The following DOCK9 variants were observed in gnomAD, a reference collection of about 807,000 sequenced individuals.
DOCK9 encodes dedicator of cytokinesis protein 9.
Under a neutral mutation model 263.3 loss-of-function variants are expected in DOCK9, and 89 were observed. That is an observed-to-expected ratio of 0.34 (90% CI 0.28 to 0.40). The LOEUF (loss-of-function observed/expected upper bound fraction) is 0.40. DOCK9 is among the 10% of genes least tolerant of loss of function. The probability of loss-of-function intolerance (pLI) is 1.00; values close to 1 mark genes in which losing one functional copy is unlikely to be tolerated. For missense variants in DOCK9, 2,140 were observed against 2,603.4 expected, an observed-to-expected ratio of 0.82 and a Z score of 3.87; for synonymous variants, 976 against 973.1, an observed-to-expected ratio of 1.00 and a Z score of -0.06.
intron 9 of DOCK9, among the ~76,000 whole-genome samples, chr13:98,907,237 GCCA>G (rs1185333943): frequency 1.3e-5 from 2 of 152,178 alleles, no homozygotes; most frequent in African/African-American, 4.8e-5. Flanking sequence ...GGTGCTGCAA[GCCA>G]CCACCAACAG....
At chr13:99,081,586 T>A (rs1489947609) in intron 1 of DOCK9, among the ~76,000 whole-genome samples, 1 of 152,236 alleles carries the variant, frequency 6.6e-6, no homozygotes, top group Admixed American at 6.5e-5. Flanking sequence ...TGCAAAGGGA[T>A]GTGACCTGAT....
At chr13:99,075,895 T>C (rs575877671) in intron 1 of DOCK9, among the ~76,000 whole-genome samples, 2 of 152,252 alleles carry the variant, frequency 1.3e-5, no homozygotes, top group South Asian at 2.1e-4. Flanking sequence ...TCAGATTCAC[T>C]TTCAGATTAA....
intron 13 of DOCK9, among the ~76,000 whole-genome samples, chr13:98,901,232 A>G (rs2048232651): frequency 6.6e-6 from 1 of 152,180 alleles, no homozygotes; most frequent in Non-Finnish European, 1.5e-5. Flanking sequence ...ATGCCTAGGC[A>G]CTTCCCAAGT....
At chr13:98,826,755 A>T (rs2092557748) in intron 44 of DOCK9, 75 bp downstream of exon 44, 1 of 1,180,024 alleles carries the variant, frequency 8.5e-7, no homozygotes, top group African/African-American at 1.5e-5. Flanking sequence ...ATCTTCCTGA[A>T]TGGCTCTCAC....
chr13:98,863,174 G>A (rs1310963916), intron 31 of DOCK9, 42 bp from the exon 32 acceptor site: 1 of 1,559,400 alleles, frequency 6.4e-7, no homozygotes, highest in Non-Finnish European at 8.7e-7. Flanking sequence ...CCAGGATTCT[G>A]AGAACCGAAC....
intron 27 of DOCK9, among the ~76,000 whole-genome samples, chr13:98,878,307 T>C (rs1377991436): frequency 1.3e-5 from 2 of 152,226 alleles, no homozygotes; most frequent in Non-Finnish European, 2.9e-5. Flanking sequence ...AATCCTATTC[T>C]GTATATAACA....
intron 50 of DOCK9, among the ~76,000 whole-genome samples, chr13:98,799,214 G>T (rs964911125): frequency 1.3e-5 from 2 of 152,082 alleles, no homozygotes; most frequent in African/African-American, 4.8e-5. Flanking sequence ...TGGATCTGAT[G>T]GGAAGTTGAC....
chr13:98,845,727 C>T (rs551616456), intron 38 of DOCK9, among the ~76,000 whole-genome samples, 197 bp downstream of exon 38: 3 of 152,170 alleles, frequency 2.0e-5, no homozygotes, highest in Non-Finnish European at 4.4e-5. Context: ...TAGTTGAGCA[C>T]GTTCCACATT....
intron 1 of DOCK9, among the ~76,000 whole-genome samples, chr13:99,017,756 C>CA (rs775047852): frequency 8.0e-4 from 122 of 152,226 alleles, no homozygotes; most frequent in Non-Finnish European, 1.4e-3. Context: ...AAAAAAATCA[C>CA]AAAAAATCTC....
intron 2 of DOCK9, among the ~76,000 whole-genome samples, chr13:98,943,470 T>C (rs1413278657): frequency 2.0e-5 from 3 of 152,232 alleles, no homozygotes; most frequent in Non-Finnish European, 4.4e-5. Flanking sequence ...TTAAATGACA[T>C]CTAGGAATTC....
At chr13:99,058,651 C>T (rs905427274) in intron 1 of DOCK9, among the ~76,000 whole-genome samples, 1 of 152,192 alleles carries the variant, frequency 6.6e-6, no homozygotes, top group African/African-American at 2.4e-5. Context: ...CATCCACCCT[C>T]ACCCAGTGGA....
At position 98,954,933 on chromosome 13, in the gene DOCK9, T is replaced by A. The variant is rs574226742; in HGVS notation, c.243+502A>T. 1.1e-4 allele frequency among the ~76,000 whole-genome samples: 16 copies of A among 150,986 alleles called. 1 individual carries two copies. The South Asian group carries it at 3.3e-3, about 32-fold the overall frequency. On this transcript the variant is annotated intron_variant, in intron 2 of 52. Transcript: ENST00000682017. ...ACTTATAATTAATATGCAAAAATAATACCATTAAAAATTATCAACTCATGA... is the reference window on the plus strand; with the variant it reads ...ACTTATAATTAATATGCAAAAATAAAACCATTAAAAATTATCAACTCATGA...
chr13:98,892,940 C>T lies in DOCK9; in HGVS notation c.1710-4229G>A, dbSNP rs568997479. ...GGCTCAGGCAGAGAAGCCAAGTAAC[C>T]GCCTCCAGGACTCCCAGCACAGAAG... On this transcript the variant is annotated intron_variant, in intron 15 of 52. Transcript: ENST00000682017. 1.9e-4 allele frequency among the ~76,000 whole-genome samples: 29 copies of T among 152,268 alleles called. No individual in the cohort carries two copies. In the South Asian group the frequency reaches 2.5e-3, roughly 13 times the overall value.
intron 43 of DOCK9, among the ~76,000 whole-genome samples, chr13:98,828,187 C>T (rs1480065331): frequency 6.6e-6 from 1 of 152,200 alleles, no homozygotes; most frequent in Non-Finnish European, 1.5e-5. Context: ...GAGATGTGGC[C>T]CTGCTGCCAC....
chr13:98,819,470 G>A (rs1258420785), intron 45 of DOCK9, among the ~76,000 whole-genome samples: 1 of 152,222 alleles, frequency 6.6e-6, no homozygotes. Flanking sequence ...CAGTAGGAGT[G>A]TAGTGTGCTA....
intron 12 of DOCK9, 84 bp from the exon 13 acceptor site, chr13:98,901,984 G>A (rs2048345977): frequency 4.0e-6 from 6 of 1,513,042 alleles, no homozygotes; most frequent in South Asian, 1.3e-5. Flanking sequence ...GCAAAGAACA[G>A]TGAAACAGGA....
intron 1 of DOCK9, among the ~76,000 whole-genome samples, chr13:99,004,047 A>T (rs1029085038): frequency 3.3e-5 from 5 of 152,104 alleles, no homozygotes; most frequent in Non-Finnish European, 7.4e-5. Context: ...AGTTCCAAGG[A>T]GCCCTCAGCT....
At chr13:99,063,791 T>C (rs913370776) in intron 1 of DOCK9, among the ~76,000 whole-genome samples, 1 of 152,148 alleles carries the variant, frequency 6.6e-6, no homozygotes. Flanking sequence ...CCTGTCGATT[T>C]GTTAAAAGTT....
intron 1 of DOCK9, among the ~76,000 whole-genome samples, chr13:98,961,988 A>G (rs1016595376): frequency 5.3e-5 from 8 of 152,228 alleles, no homozygotes; most frequent in Non-Finnish European, 7.3e-5. Context: ...CTCATGTACA[A>G]AAGAAACCTC....
Sources: gnomAD v4.1 joint callset for allele counts (sites outside exome capture counted in the v4.1 genomes callset) on GRCh38, gnomAD v4.1.1 for gene constraint, MANE v1.5 for transcripts, NCBI Gene and HGNC (gene_info 2026-07-23, HGNC 2026-07-21) for gene names.